Variants in PCDH9 observed in about 807,000 individuals in gnomAD.
PCDH9 encodes protocadherin-9.
A neutral mutation model predicts 70.6 loss-of-function variants in PCDH9; 24 were observed. The ratio of observed to expected loss-of-function variants is 0.34; its 90% confidence interval spans 0.25 to 0.48. PCDH9 has a LOEUF of 0.48. PCDH9 is among the 20% of genes least tolerant of loss of function. The pLI is 0.99. For missense variants in PCDH9, 1,281 were observed against 1,503.6 expected, an observed-to-expected ratio of 0.85 and a Z score of 2.45; for synonymous variants, 562 against 558.5, an observed-to-expected ratio of 1.01 and a Z score of -0.09.
intron 4 of PCDH9, among the ~76,000 whole-genome samples, chr13:66,428,215 T>C (rs1957708047): frequency 1.3e-5 from 2 of 151,748 alleles, no homozygotes; most frequent in Non-Finnish European, 3.0e-5. Flanking sequence ...GACTTAGTTC[T>C]ACATAACCAA....
chr13:66,944,499 G>A (rs552279083), intron 2 of PCDH9, among the ~76,000 whole-genome samples: 27 of 152,280 alleles, frequency 1.8e-4, no homozygotes, highest in African/African-American at 4.6e-4. Context: ...ACTGGAAACT[G>A]TGGCCCAGAG....
At chr13:66,494,323 T>A (rs1001284275) in intron 4 of PCDH9, among the ~76,000 whole-genome samples, 1 of 152,158 alleles carries the variant, frequency 6.6e-6, no homozygotes, top group African/African-American at 2.4e-5. Flanking sequence ...ATTGACAAGA[T>A]ACTGAAACAT....
At chr13:66,431,163 T>A (rs1957764631) in intron 4 of PCDH9, among the ~76,000 whole-genome samples, 1 of 152,078 alleles carries the variant, frequency 6.6e-6, no homozygotes, top group South Asian at 2.1e-4. Context: ...AGTTCATAGA[T>A]TCCAACTACC....
chr13:66,348,165 G>T (rs1210830505), intron 4 of PCDH9, among the ~76,000 whole-genome samples: 1 of 151,512 alleles, frequency 6.6e-6, no homozygotes, highest in Admixed American at 6.6e-5. Flanking sequence ...TCTTTTCCCT[G>T]TTTTGTTTTA....
At chr13:66,900,897 C>A (rs768661689) in intron 3 of PCDH9, among the ~76,000 whole-genome samples, 7 of 151,506 alleles carry the variant, frequency 4.6e-5, no homozygotes, top group Non-Finnish European at 1.0e-4. Flanking sequence ...TAGGAAAATA[C>A]CTGCACTTAC....
chr13:66,547,642 A>G (rs1395252576), intron 4 of PCDH9, among the ~76,000 whole-genome samples: 1 of 152,040 alleles, frequency 6.6e-6, no homozygotes, highest in African/African-American at 2.4e-5. Flanking sequence ...TTTACCCAAA[A>G]ATAACATAAA....
intron 3 of PCDH9, among the ~76,000 whole-genome samples, chr13:66,677,014 G>T (rs1379457775): frequency 2.6e-5 from 4 of 151,734 alleles, no homozygotes; most frequent in African/African-American, 9.7e-5. Context: ...AGTTTTTTTA[G>T]ATCACACCGA....
chr13:67,000,771 AG>A, intron 2 of PCDH9, among the ~76,000 whole-genome samples: 1 of 152,284 alleles, frequency 6.6e-6, no homozygotes, highest in African/African-American at 2.4e-5. Flanking sequence ...CATGCTAAAA[AG>A]GGGATTTCCA....
At chr13:66,429,821 C>T (rs1957739534) in intron 4 of PCDH9, among the ~76,000 whole-genome samples, 1 of 152,038 alleles carries the variant, frequency 6.6e-6, no homozygotes, top group South Asian at 2.1e-4. Flanking sequence ...TGTTGATAGT[C>T]AAGGACAGTT....
chr13:66,831,696 A>G (rs1015533576), intron 3 of PCDH9, among the ~76,000 whole-genome samples: 4 of 152,200 alleles, frequency 2.6e-5, no homozygotes, highest in Admixed American at 1.3e-4. Flanking sequence ...GTATATTAAG[A>G]TGTGTCCAAA....
At chr13:66,420,985 C>T (rs1308165609) in intron 4 of PCDH9, among the ~76,000 whole-genome samples, 1 of 151,934 alleles carries the variant, frequency 6.6e-6, no homozygotes, top group Non-Finnish European at 1.5e-5. Context: ...TAGACAAGAA[C>T]ATAAATGACC....
chr13:66,780,671 T>C (rs184576969), intron 3 of PCDH9, among the ~76,000 whole-genome samples: 6 of 152,274 alleles, frequency 3.9e-5, no homozygotes, highest in East Asian at 1.9e-4. Flanking sequence ...GTGATACTTA[T>C]GAGTTTCAGT....
At chr13:67,195,897 T>C (rs924036088) in intron 2 of PCDH9, among the ~76,000 whole-genome samples, 9 of 152,106 alleles carry the variant, frequency 5.9e-5, no homozygotes, top group Non-Finnish European at 1.2e-4. Context: ...TTAAAACTGG[T>C]TTATAGGAAT....
Position 66,673,184 on chromosome 13 carries a change from T to G in PCDH9, c.3139-41773A>C, listed in dbSNP as rs573284305. Reference sequence around the variant, plus strand: ...GTGGGAGGGACCTGGTGGACGGTAATTGAATCATGAGGGTGGGTTTTCCCA... The same window carrying G: ...GTGGGAGGGACCTGGTGGACGGTAAGTGAATCATGAGGGTGGGTTTTCCCA... On this transcript the variant is annotated intron_variant, in intron 3 of 4. Transcript: ENST00000377865. Among the ~76,000 whole-genome samples, 93 of 152,252 alleles carry G rather than the reference T, an allele frequency of 6.1e-4. 1 individual carries two copies. Among genetic ancestry groups the G allele is most frequent in the South Asian group, 1.2e-3 (6 of 4,818 alleles).
chr13:67,039,825 C>T (rs1224970378), intron 2 of PCDH9, among the ~76,000 whole-genome samples: 1 of 151,830 alleles, frequency 6.6e-6, no homozygotes, highest in African/African-American at 2.4e-5. Flanking sequence ...GTGTGGGTAC[C>T]CTAGGCCTTG....
At chr13:66,641,071 C>T (rs1419519606) in intron 3 of PCDH9, among the ~76,000 whole-genome samples, 3 of 151,980 alleles carry the variant, frequency 2.0e-5, no homozygotes, top group Admixed American at 6.6e-5. Context: ...GATGGAGTTT[C>T]GCCATGTTGG....
At chr13:66,697,144 A>G (rs1454387462) in intron 3 of PCDH9, among the ~76,000 whole-genome samples, 2 of 152,170 alleles carry the variant, frequency 1.3e-5, no homozygotes, top group Non-Finnish European at 2.9e-5. Flanking sequence ...AAATATTTTA[A>G]AAGGCCCCAA....
intron 2 of PCDH9, among the ~76,000 whole-genome samples, chr13:66,976,208 T>C (rs1362459761): frequency 2.6e-5 from 4 of 152,224 alleles, no homozygotes; most frequent in Non-Finnish European, 5.9e-5. Context: ...ATTGGCAAAC[T>C]ACTTTTCAGT....
intron 4 of PCDH9, among the ~76,000 whole-genome samples, chr13:66,588,491 C>CATATATAT (rs10535210): frequency 2.0e-5 from 3 of 148,674 alleles, no homozygotes; most frequent in African/African-American, 7.4e-5. Flanking sequence ...GAGAGAACGT[C>CATATATAT]ATATATATAT....
Sources: gnomAD v4.1 joint callset for allele counts (sites outside exome capture counted in the v4.1 genomes callset) on GRCh38, gnomAD v4.1.1 for gene constraint, MANE v1.5 for transcripts, NCBI Gene and HGNC (gene_info 2026-07-23, HGNC 2026-07-21) for gene names.